RASGEF1C: variants seen among roughly 807,000 people sequenced by gnomAD.
RASGEF1C encodes the protein RasGEF domain family member 1C.
A neutral mutation model predicts 58.1 loss-of-function variants in RASGEF1C; 27 were observed. The observed-to-expected ratio is 0.46, with a 90% CI of 0.34 to 0.64. The LOEUF is 0.64. RASGEF1C is among the 30% of genes least tolerant of loss of function. The pLI is 0.01. For synonymous variants in RASGEF1C, 243 were observed against 246.3 expected (o/e 0.99, Z 0.13); for missense variants, 502 against 605.1 (o/e 0.83, Z 1.79).
rs925130662 is a variant in RASGEF1C, at chr5:180,147,745, G to A, written c.-6-9687C>T. On this transcript the variant is annotated intron_variant, in intron 1 of 13. Transcript: ENST00000361132. The stretch of plus-strand genomic sequence containing the variant: ...TGGTTTATCCTGGAGAATATCCCAC[G>A]TGCACTTTAGAAGACTGTGTATGTT... 9.9e-5 allele frequency among the ~76,000 whole-genome samples: 15 copies of A among 152,244 alleles called. No individual in the cohort carries two copies. In the South Asian group the frequency reaches 1.7e-3, roughly 17 times the overall value.
At chr5:180,126,431 C>G (rs1421461416) in intron 6 of RASGEF1C, among the ~76,000 whole-genome samples, 2 of 152,074 alleles carry the variant, frequency 1.3e-5, no homozygotes, top group Admixed American at 1.3e-4. Flanking sequence ...ATCTCCCTCC[C>G]GTTCCTGCCT....
chr5:180,103,982 G>C (rs566663017), intron 12 of RASGEF1C, among the ~76,000 whole-genome samples: 1 of 152,090 alleles, frequency 6.6e-6, no homozygotes, highest in Non-Finnish European at 1.5e-5. Context: ...CACACTGATT[G>C]AATTTCAAAT....
intron 1 of RASGEF1C, among the ~76,000 whole-genome samples, chr5:180,174,602 GCACGCA>G (rs1262524931): frequency 1.6e-5 from 2 of 127,982 alleles, no homozygotes; most frequent in Non-Finnish European, 1.7e-5. Context: ...GTGTGTGTGT[GCACGCA>G]TGTGTGTGTC....
Position 180,101,394 on chromosome 5 carries a change from G to C in RASGEF1C, c.*107C>G, listed in dbSNP as rs2113229722. 2 of 1,359,578 alleles carry C rather than the reference G, an allele frequency of 1.5e-6. No homozygotes were observed. The highest frequency in any genetic ancestry group is 4.7e-5 in the East Asian group (2 of 42,540). The allele number at this position is 1,359,578 out of a possible 1,614,324, so 84.2% of individuals were successfully genotyped here. On this transcript the variant is annotated 3_prime_UTR_variant, in exon 14 of 14. Transcript: ENST00000361132. ...GCAGCAGGCCACAGGGTCGGCATTTGCAAAATAGTGAGGCACTCCCTGGCC... is the reference window on the plus strand; with the variant it reads ...GCAGCAGGCCACAGGGTCGGCATTTCCAAAATAGTGAGGCACTCCCTGGCC...
rs538344034 is a variant in RASGEF1C at position 180,155,979 on chromosome 5, G to A, written c.-6-17921C>T. Among the ~76,000 whole-genome samples, 4 of 152,158 alleles carry A rather than the reference G, an allele frequency of 2.6e-5. No individual in the cohort carries two copies. Among genetic ancestry groups the A allele is most frequent in the African/African-American group, 4.8e-5 (2 of 41,512 alleles). On this transcript the variant is annotated intron_variant, in intron 1 of 13. Coordinates refer to ENST00000361132, the MANE Select transcript of RASGEF1C (RefSeq NM_175062.4). This position sits in a 1 kb window ranked among gnomAD's most constrained non-coding sequence, Gnocchi z 5.2. ...TAGAGCAAAGCCTGGGCTTTGCTTCGAGACAATTACTATTATTATTATTAC... is the reference window on the plus strand; with the variant it reads ...TAGAGCAAAGCCTGGGCTTTGCTTCAAGACAATTACTATTATTATTATTAC...
At chr5:180,154,363 C>T (rs1192808928) in intron 1 of RASGEF1C, among the ~76,000 whole-genome samples, 5 of 152,112 alleles carry the variant, frequency 3.3e-5, no homozygotes, top group South Asian at 2.1e-4. Context: ...CCACCTTACC[C>T]GGACAGGTTC....
chr5:180,125,960 A>G (rs1201373808), intron 6 of RASGEF1C, among the ~76,000 whole-genome samples: 2 of 152,196 alleles, frequency 1.3e-5, no homozygotes, highest in Non-Finnish European at 2.9e-5. Context: ...GGGTGTAAGA[A>G]TGTCCACTGT....
intron 1 of RASGEF1C, among the ~76,000 whole-genome samples, chr5:180,191,432 C>T (rs938183995): frequency 3.3e-5 from 5 of 152,152 alleles, no homozygotes; most frequent in South Asian, 2.1e-4. Context: ...TCTCAGCTCA[C>T]TGCAAGCTCC....
intron 1 of RASGEF1C, among the ~76,000 whole-genome samples, chr5:180,188,545 A>G (rs1052541903): frequency 7.2e-5 from 11 of 152,240 alleles, no homozygotes; most frequent in African/African-American, 2.7e-4. Context: ...ATAATAGAAG[A>G]GAAGTTCCCC....
intron 12 of RASGEF1C, among the ~76,000 whole-genome samples, chr5:180,104,636 G>A (rs1765846185): frequency 6.6e-6 from 1 of 152,214 alleles, no homozygotes; most frequent in South Asian, 2.1e-4. Context: ...CCACTTTCTG[G>A]AAGAGATTGT....
At chr5:180,208,790 G>C (rs1294305108) in intron 1 of RASGEF1C, among the ~76,000 whole-genome samples, 1 of 151,926 alleles carries the variant, frequency 6.6e-6, no homozygotes, top group African/African-American at 2.4e-5. Context: ...GGCAGAGCTG[G>C]GTCTCCCGCC....
chr5:180,182,200 G>C (rs549340180), intron 1 of RASGEF1C, among the ~76,000 whole-genome samples: 2 of 59,020 alleles, frequency 3.4e-5, no homozygotes, highest in Non-Finnish European at 5.3e-5. Flanking sequence ...GCAAGACTCC[G>C]TCTCAAAAAA....
rs1554114330 is a variant in RASGEF1C at position 180,165,683 on chromosome 5, A to AAAT, written c.-6-27626_-6-27625insATT. On this transcript the variant is annotated intron_variant, in intron 1 of 13. Transcript: ENST00000361132. ...GAAACTCTGTCTCAAAAAAAAAAAA[A>AAAT]ATTCTTGTTCCCCTTTATGCCTTCT... Among the ~76,000 whole-genome samples, 613 of 146,160 alleles carry AAAT rather than the reference A, an allele frequency of 4.2e-3. 4 individuals are homozygous for AAAT. Among genetic ancestry groups the AAAT allele is most frequent in the African/African-American group, 0.013 (497 of 39,690 alleles).
At chr5:180,127,068 C>T (rs895482151) in intron 6 of RASGEF1C, among the ~76,000 whole-genome samples, 3 of 152,190 alleles carry the variant, frequency 2.0e-5, no homozygotes, top group Non-Finnish European at 2.9e-5. Flanking sequence ...GGATTTAGCC[C>T]GTGGGAGGCA....
At chr5:180,181,897 C>G (rs944057582) in intron 1 of RASGEF1C, among the ~76,000 whole-genome samples, 2 of 152,104 alleles carry the variant, frequency 1.3e-5, no homozygotes, top group Non-Finnish European at 2.9e-5. Flanking sequence ...TTTGTGGTCT[C>G]GCTGACTTCA....
At chr5:180,140,534 A>C (rs529342637) in intron 1 of RASGEF1C, among the ~76,000 whole-genome samples, 8 of 152,228 alleles carry the variant, frequency 5.3e-5, no homozygotes, top group Non-Finnish European at 1.0e-4. Flanking sequence ...ACTGCGGTGG[A>C]TGTCCTGGCC....
intron 1 of RASGEF1C, among the ~76,000 whole-genome samples, chr5:180,181,862 T>C (rs573049008): frequency 1.3e-5 from 2 of 152,276 alleles, no homozygotes; most frequent in African/African-American, 4.8e-5. Context: ...CAGCACACTA[T>C]TGAGACCACA....
chr5:180,152,983 G>C (rs1002646217), intron 1 of RASGEF1C, among the ~76,000 whole-genome samples: 5 of 151,162 alleles, frequency 3.3e-5, no homozygotes, highest in African/African-American at 1.2e-4. Flanking sequence ...TAAATGGTAA[G>C]TCTTCTTGGG....
Position 180,197,840 on chromosome 5 carries a change from A to G in RASGEF1C, c.-7+11188T>C, listed in dbSNP as rs1581131473. ...AAACAAACAACTAAACAACTTCCTG[A>G]CCAAATGACCCAGGTAGATATTTCC... On this transcript the variant is annotated intron_variant, in intron 1 of 13. Transcript: ENST00000361132. The surrounding 1 kb of genome is among the most constrained non-coding windows in gnomAD (Gnocchi z 4.7). 6.6e-6 allele frequency among the ~76,000 whole-genome samples: 1 copy of G among 152,204 alleles called. No individual in the cohort carries two copies. The highest frequency in any genetic ancestry group is 1.9e-4 in the East Asian group (1 of 5,190).
Sources: gnomAD v4.1 joint callset for allele counts (sites outside exome capture counted in the v4.1 genomes callset) on GRCh38, gnomAD v4.1.1 for gene constraint, Gnocchi (gnomAD v3.1) non-coding constraint, MANE v1.5 for transcripts, NCBI Gene and HGNC (gene_info 2026-07-23, HGNC 2026-07-21) for gene names.